Variants in COMMD10 observed in about 807,000 individuals in gnomAD.
COMMD10 encodes COMM domain-containing protein 10.
COMMD10 carries 33 observed loss-of-function variants against 28.9 expected under a neutral mutation model. The observed-to-expected ratio is 1.14, with a 90% CI of 0.87 to 1.53. The LOEUF is 1.53. COMMD10 is among the 40% of genes most tolerant of loss of function. The pLI is 0.00. For synonymous variants in COMMD10, 110 were observed against 81.7 expected, an observed-to-expected ratio of 1.35 and a Z score of -1.87; for missense variants, 310 against 233.4, an observed-to-expected ratio of 1.33 and a Z score of -2.14.
chr5:116,097,379 A>T (rs1372042151), intron 4 of COMMD10, among the ~76,000 whole-genome samples: 1 of 152,224 alleles, frequency 6.6e-6, no homozygotes, highest in South Asian at 2.1e-4. Context: ...AAACCCATTA[A>T]TAGTTCTAGT....
At chr5:116,178,570 A>G (rs1173351743) in intron 5 of COMMD10, among the ~76,000 whole-genome samples, 7 of 152,106 alleles carry the variant, frequency 4.6e-5, no homozygotes, top group African/African-American at 1.7e-4. Flanking sequence ...AACTATAATA[A>G]CGGGGATGAT....
intron 5 of COMMD10, among the ~76,000 whole-genome samples, chr5:116,141,862 T>G (rs1323912826): frequency 6.6e-6 from 1 of 151,904 alleles, no homozygotes; most frequent in Non-Finnish European, 1.5e-5. Context: ...AACTTTTTTG[T>G]GGCGTTTTAA....
chr5:116,267,970 A>C (rs1750639498), intron 5 of COMMD10, among the ~76,000 whole-genome samples: 1 of 152,018 alleles, frequency 6.6e-6, no homozygotes, highest in East Asian at 1.9e-4. Flanking sequence ...AAAGACTTAC[A>C]TGTTAGACCT....
chr5:116,116,461 T>C (rs1206951206), intron 4 of COMMD10, among the ~76,000 whole-genome samples: 2 of 152,328 alleles, frequency 1.3e-5, no homozygotes, highest in East Asian at 3.9e-4. Context: ...TGAGAGCTTC[T>C]TCAAGATTTA....
chr5:116,236,840 G>A (rs1749677935), intron 5 of COMMD10, among the ~76,000 whole-genome samples: 1 of 152,056 alleles, frequency 6.6e-6, no homozygotes, highest in African/African-American at 2.4e-5. Flanking sequence ...GTCAGTATAG[G>A]TTCATTGACT....
rs545665915 is a variant in COMMD10, at chr5:116,093,143, A to AT, written c.399+444dup. 4.3e-3 allele frequency among the ~76,000 whole-genome samples: 655 copies of AT among 152,344 alleles called. 2 individuals carry two copies. The highest frequency in any genetic ancestry group is 6.8e-3 in the African/African-American group (282 of 41,578). ...TTAGATTTTACAGTAGTGCAAAACT[A>AT]TCGCAATTTCGATATACTTTTACTT... On this transcript the variant is annotated intron_variant, in intron 4 of 6. Coordinates refer to ENST00000274458, the MANE Select transcript of COMMD10 (RefSeq NM_016144.4).
chr5:116,158,563 A>T (rs1752814156), intron 5 of COMMD10, among the ~76,000 whole-genome samples: 1 of 133,690 alleles, frequency 7.5e-6, no homozygotes, highest in Non-Finnish European at 1.6e-5. Flanking sequence ...GGCAGCCTTG[A>T]TCTCTTAGGT....
At chr5:116,126,950 C>T (rs1306847118) in intron 4 of COMMD10, among the ~76,000 whole-genome samples, 1 of 152,196 alleles carries the variant, frequency 6.6e-6, no homozygotes, top group African/African-American at 2.4e-5. Context: ...TAAAGAGCTT[C>T]TGCACAGCAA....
rs6871132 is a variant in COMMD10, at chr5:116,275,550, G to T, written c.511-15967G>T. Among the ~76,000 whole-genome samples, 1,052 of 151,796 alleles carry T rather than the reference G, an allele frequency of 6.9e-3. 39 individuals are homozygous for T. The highest frequency in any genetic ancestry group is 0.025 in the African/African-American group (1,016 of 41,220). ...CGTAAGCTCAAGGAAAACAAAGATT[G>T]TACACATTGTCTTCATCATTGCTGT... is the stretch of plus-strand genomic sequence containing the variant. On this transcript the variant is annotated intron_variant, in intron 5 of 6. Coordinates refer to ENST00000274458, the MANE Select transcript of COMMD10 (RefSeq NM_016144.4).
intron 5 of COMMD10, among the ~76,000 whole-genome samples, chr5:116,276,650 C>G (rs780194984): frequency 6.6e-6 from 1 of 151,672 alleles, no homozygotes; most frequent in Non-Finnish European, 1.5e-5. Context: ...AACCTTAATT[C>G]AGTTATTTAA....
intron 5 of COMMD10, among the ~76,000 whole-genome samples, chr5:116,249,532 T>G (rs1205580981): frequency 1.3e-5 from 2 of 151,930 alleles, no homozygotes; most frequent in Admixed American, 6.6e-5. Flanking sequence ...AATTTGAAAT[T>G]GACTAGAGAA....
intron 5 of COMMD10, among the ~76,000 whole-genome samples, chr5:116,226,600 G>T (rs1410538974): frequency 6.6e-6 from 1 of 151,674 alleles, no homozygotes; most frequent in Middle Eastern, 3.4e-3. Flanking sequence ...AATATTGGGG[G>T]ACTTGGGACT....
intron 5 of COMMD10, among the ~76,000 whole-genome samples, chr5:116,277,479 A>G (rs975653280): frequency 5.9e-5 from 9 of 151,908 alleles, no homozygotes; most frequent in African/African-American, 1.9e-4. Context: ...AATTAACCAC[A>G]TATCTTATCA....
intron 1 of COMMD10, chr5:116,085,415 C>T (rs1750061240): frequency 2.6e-6 from 1 of 388,060 alleles, no homozygotes; most frequent in Non-Finnish European, 4.6e-6. Flanking sequence ...CGGGTGCTGC[C>T]TTCAGTGCTG....
intron 5 of COMMD10, among the ~76,000 whole-genome samples, chr5:116,228,648 T>G (rs924379542): frequency 6.6e-6 from 1 of 151,990 alleles, no homozygotes. Context: ...CTTTTGTGGT[T>G]GCATAAATTG....
At chr5:116,260,331 A>G (rs1750409052) in intron 5 of COMMD10, among the ~76,000 whole-genome samples, 1 of 151,840 alleles carries the variant, frequency 6.6e-6, no homozygotes, top group African/African-American at 2.4e-5. Context: ...TCCCTGTGGA[A>G]ACTAATGACT....
At chr5:116,176,655 G>A (rs1396485) in intron 5 of COMMD10, among the ~76,000 whole-genome samples, 47,103 of 151,668 alleles carry the variant, frequency 0.31, 10,212 homozygotes, top group African/African-American at 0.62. Context: ...GGTCCTATAA[G>A]GTTGTACTCT....
chr5:116,243,975 G>A lies in COMMD10; in HGVS notation c.511-47542G>A, dbSNP rs111752974. Among the ~76,000 whole-genome samples the A allele has an allele frequency of 8.3e-3, 1,264 of 152,148 alleles. 9 individuals are homozygous for A. Among genetic ancestry groups the A allele is most frequent in the Non-Finnish European group, 0.011 (774 of 67,964 alleles). ...GAAATCATTGAGTCAATGGAAAGCC[G>A]GGAGGAAAACAATGTTAAATCAATA... On this transcript the variant is annotated intron_variant, in intron 5 of 6. Coordinates refer to ENST00000274458, the MANE Select transcript of COMMD10 (RefSeq NM_016144.4).
intron 4 of COMMD10, among the ~76,000 whole-genome samples, chr5:116,109,708 A>T (rs530389292): frequency 9.8e-5 from 15 of 152,324 alleles, no homozygotes; most frequent in African/African-American, 3.6e-4. Context: ...AAGAAATGCT[A>T]CTGATTTTTC....
Sources: allele counts gnomAD v4.1 joint callset (sites outside exome capture counted in the v4.1 genomes callset), GRCh38; gene constraint gnomAD v4.1.1; transcripts MANE v1.5; gene names NCBI Gene and HGNC (gene_info 2026-07-23, HGNC 2026-07-21).